The following NKAIN2 variants were observed in gnomAD, a reference collection of about 807,000 sequenced individuals.
NKAIN2 encodes sodium/potassium-transporting ATPase subunit beta-1-interacting protein 2.
NKAIN2 carries 14 observed loss-of-function variants against 32.6 expected under a neutral mutation model. That is an observed-to-expected ratio of 0.43 (90% CI 0.28 to 0.67). The LOEUF (loss-of-function observed/expected upper bound fraction) is 0.67. Among genes scored for constraint, NKAIN2 ranks in the 30% least tolerant of loss-of-function variants. NKAIN2 has a pLI of 0.17. For missense variants in NKAIN2, 198 were observed against 258.3 expected (o/e 0.77, Z 1.60); for synonymous variants, 80 against 87.2 (o/e 0.92, Z 0.46).
intron 3 of NKAIN2, among the ~76,000 whole-genome samples, chr6:124,415,165 C>T (rs1774404662): frequency 6.6e-6 from 1 of 152,124 alleles, no homozygotes; most frequent in South Asian, 2.1e-4. Context: ...GCATCAGATT[C>T]CACAGATTTA....
chr6:123,972,017 C>T (rs991893125), intron 1 of NKAIN2, among the ~76,000 whole-genome samples: 5 of 152,128 alleles, frequency 3.3e-5, no homozygotes, highest in African/African-American at 9.7e-5. Flanking sequence ...TTCCCCTTCC[C>T]CAACCATTCA....
chr6:124,486,637 C>G (rs1217757716), intron 3 of NKAIN2, among the ~76,000 whole-genome samples: 1 of 152,132 alleles, frequency 6.6e-6, no homozygotes, highest in Non-Finnish European at 1.5e-5. Context: ...TTTTATGTTA[C>G]TACAATCAGT....
intron 1 of NKAIN2, among the ~76,000 whole-genome samples, chr6:123,807,809 A>G (rs1395888708): frequency 1.3e-5 from 2 of 152,192 alleles, no homozygotes; most frequent in Non-Finnish European, 2.9e-5. Flanking sequence ...TACACTCCAC[A>G]GAATAACACT....
At chr6:124,314,657 A>G (rs536264158) in intron 2 of NKAIN2, among the ~76,000 whole-genome samples, 1 of 152,286 alleles carries the variant, frequency 6.6e-6, no homozygotes, top group African/African-American at 2.4e-5. Flanking sequence ...TCAGCCAGTC[A>G]GTAGCTGAAT....
At chr6:124,147,270 G>T (rs1362054574) in intron 1 of NKAIN2, among the ~76,000 whole-genome samples, 3 of 152,146 alleles carry the variant, frequency 2.0e-5, no homozygotes, top group Non-Finnish European at 1.5e-5. Context: ...CCATCATTAT[G>T]AGTGTTCAGG....
chr6:123,831,661 G>GT (rs1218615791), intron 1 of NKAIN2, among the ~76,000 whole-genome samples: 3,489 of 123,078 alleles, frequency 0.028, 140 homozygotes, highest in African/African-American at 0.086. Context: ...TTTTTTTTTT[G>GT]TTTTTTTTTT....
At chr6:123,956,202 A>G (rs1777582905) in intron 1 of NKAIN2, among the ~76,000 whole-genome samples, 1 of 152,200 alleles carries the variant, frequency 6.6e-6, no homozygotes, top group African/African-American at 2.4e-5. Context: ...GGAAAAAAGG[A>G]AAACCGGTAT....
At chr6:124,701,145 A>G (rs1774763123) in intron 4 of NKAIN2, among the ~76,000 whole-genome samples, 1 of 123,464 alleles carries the variant, frequency 8.1e-6, no homozygotes, top group Non-Finnish European at 1.7e-5. Context: ...AGATACACAC[A>G]CACACACGCA....
intron 3 of NKAIN2, among the ~76,000 whole-genome samples, chr6:124,542,823 ATAAAC>A (rs1383256846): frequency 6.6e-6 from 1 of 152,196 alleles, no homozygotes; most frequent in Non-Finnish European, 1.5e-5. Flanking sequence ...TCAGTAATGA[ATAAAC>A]TAAATAAAAA....
intron 4 of NKAIN2, among the ~76,000 whole-genome samples, chr6:124,761,965 T>C (rs1238314366): frequency 6.6e-6 from 1 of 152,154 alleles, no homozygotes; most frequent in African/African-American, 2.4e-5. Flanking sequence ...TCCCTCTCTT[T>C]CTCCCTAGTT....
chr6:124,398,114 G>C (rs978448062), intron 3 of NKAIN2, among the ~76,000 whole-genome samples: 61 of 151,696 alleles, frequency 4.0e-4, no homozygotes, highest in South Asian at 2.1e-4. Flanking sequence ...TTAGCCGGGC[G>C]TGGTTGCGGG....
chr6:124,438,787 C>T (rs533831765), intron 3 of NKAIN2, among the ~76,000 whole-genome samples: 63 of 152,266 alleles, frequency 4.1e-4, no homozygotes, highest in African/African-American at 1.5e-3. Flanking sequence ...AACACCAATT[C>T]TCACACCCTC....
rs186273494 is a variant in NKAIN2 at position 124,624,114 on chromosome 6, C to T, written c.274-34072C>T. ...GTAACAACTCATGCCCACTTACATG[C>T]TCTTAAGAAGGAAGAGCTTCCTGGG... On this transcript the variant is annotated intron_variant, in intron 3 of 6. Coordinates refer to ENST00000368417, the MANE Select transcript of NKAIN2 (RefSeq NM_001040214.3). Among the ~76,000 whole-genome samples, 206 of 152,228 alleles carry T rather than the reference C, an allele frequency of 1.4e-3. 2 individuals carry two copies. The highest frequency in any genetic ancestry group is 4.8e-3 in the African/African-American group (200 of 41,548).
At chr6:123,852,763 A>G (rs186501042) in intron 1 of NKAIN2, among the ~76,000 whole-genome samples, 40 of 152,314 alleles carry the variant, frequency 2.6e-4, no homozygotes, top group African/African-American at 8.9e-4. Context: ...GACAGATACT[A>G]TATAATCTCA....
intron 1 of NKAIN2, among the ~76,000 whole-genome samples, chr6:123,934,390 A>G (rs1161788225): frequency 6.6e-6 from 1 of 152,070 alleles, no homozygotes; most frequent in Non-Finnish European, 1.5e-5. Flanking sequence ...TCTTAAACAC[A>G]TATCAAAGCC....
intron 3 of NKAIN2, among the ~76,000 whole-genome samples, chr6:124,391,999 C>T (rs1441461997): frequency 6.6e-6 from 1 of 152,098 alleles, no homozygotes; most frequent in Non-Finnish European, 1.5e-5. Flanking sequence ...AATGAATTCA[C>T]CTGATATAAC....
chr6:124,384,992 G>A (rs1018287895), intron 3 of NKAIN2, among the ~76,000 whole-genome samples: 4 of 152,122 alleles, frequency 2.6e-5, no homozygotes, highest in Non-Finnish European at 4.4e-5. Context: ...AGCCATTGAT[G>A]TTACTGAATG....
intron 3 of NKAIN2, among the ~76,000 whole-genome samples, chr6:124,380,327 C>T (rs62436261): frequency 0.024 from 3,662 of 152,288 alleles, 95 homozygotes; most frequent in Non-Finnish European, 0.034. Context: ...AATGTTAGAG[C>T]ATTTTAGCAG....
chr6:124,207,569 TTTG>T (rs2114647621), intron 1 of NKAIN2, among the ~76,000 whole-genome samples: 1 of 151,746 alleles, frequency 6.6e-6, no homozygotes, highest in East Asian at 1.9e-4. Context: ...GGCAGGTCTT[TTTG>T]TTTAAATGTT....
Sources: allele counts gnomAD v4.1 joint callset (sites outside exome capture counted in the v4.1 genomes callset), GRCh38; gene constraint gnomAD v4.1.1; transcripts MANE v1.5; gene names NCBI Gene and HGNC (gene_info 2026-07-23, HGNC 2026-07-21).